TMCO6: variants seen among roughly 807,000 people sequenced by gnomAD.
TMCO6 encodes transmembrane and coiled-coil domain-containing protein 6.
In TMCO6, 47 loss-of-function variants were observed where a neutral mutation model predicts 61.8. The observed-to-expected ratio is 0.76, with a 90% CI of 0.60 to 0.97. The LOEUF (loss-of-function observed/expected upper bound fraction) is 0.97, where lower values mean the gene tolerates loss of function less well. Ranked by LOEUF, TMCO6 falls within the 50% of genes least tolerant of loss-of-function variation. The pLI, the probability that TMCO6 is intolerant of heterozygous loss-of-function variation, is 0.00. For synonymous variants in TMCO6, 261 were observed against 254.2 expected, an observed-to-expected ratio of 1.03 and a Z score of -0.25; for missense variants, 557 against 601.6, an observed-to-expected ratio of 0.93 and a Z score of 0.78.
At chr5:140,603,354 C>T in the TMCO6 span, among the ~76,000 whole-genome samples, 1 of 152,192 alleles carries the variant, frequency 6.6e-6, no homozygotes, top group South Asian at 2.1e-4. Flanking sequence ...ATTGCCCAGG[C>T]TGGAGTGCAG....
the TMCO6 span, among the ~76,000 whole-genome samples, chr5:140,607,371 G>A: frequency 6.6e-6 from 1 of 152,148 alleles, no homozygotes; most frequent in Non-Finnish European, 1.5e-5. Context: ...TGTATCAGAC[G>A]TCATTACTTT....
chr5:140,613,640 C>G, the TMCO6 span, among the ~76,000 whole-genome samples: 1 of 152,154 alleles, frequency 6.6e-6, no homozygotes, highest in Non-Finnish European at 1.5e-5. Flanking sequence ...GCAGGACTCC[C>G]TTTTCTCCTG....
upstream of TMCO6, among the ~76,000 whole-genome samples, chr5:140,635,490 C>T (rs73271519): frequency 0.019 from 2,921 of 152,290 alleles, 96 homozygotes; most frequent in African/African-American, 0.066. Flanking sequence ...AGTCTGACAC[C>T]TCATCATCTT....
chr5:140,629,551 C>G, the TMCO6 span, among the ~76,000 whole-genome samples: 1 of 152,094 alleles, frequency 6.6e-6, no homozygotes, highest in Admixed American at 6.5e-5. Context: ...AGACTTGGGT[C>G]CCATCCAAAT....
intron 2 of TMCO6, 32 bp from the exon 3 acceptor site, chr5:140,641,633 G>T: frequency 6.3e-7 from 1 of 1,594,516 alleles, no homozygotes; most frequent in Non-Finnish European, 8.6e-7. Flanking sequence ...TCTGTGAACC[G>T]TGTGTTCTCC....
chr5:140,598,033 C>T, the TMCO6 span, among the ~76,000 whole-genome samples: 1 of 152,170 alleles, frequency 6.6e-6, no homozygotes, highest in East Asian at 1.9e-4. Flanking sequence ...CTCCCTCAAC[C>T]CCTCTCCCCT....
the TMCO6 span, among the ~76,000 whole-genome samples, chr5:140,599,035 A>G: frequency 6.6e-6 from 1 of 152,188 alleles, no homozygotes; most frequent in East Asian, 1.9e-4. Flanking sequence ...TAATCTATCT[A>G]CCAGCTATGT....
the TMCO6 span, among the ~76,000 whole-genome samples, chr5:140,620,487 T>C: frequency 6.6e-6 from 1 of 152,178 alleles, no homozygotes; most frequent in Non-Finnish European, 1.5e-5. Flanking sequence ...CTAAAGGATA[T>C]ACCATACAAA....
the TMCO6 span, among the ~76,000 whole-genome samples, chr5:140,627,398 A>T: frequency 6.6e-6 from 1 of 152,192 alleles, no homozygotes; most frequent in Non-Finnish European, 1.5e-5. Flanking sequence ...TTGAACAATG[A>T]TCATATCAAG....
the TMCO6 span, among the ~76,000 whole-genome samples, chr5:140,618,784 A>C: frequency 1.3e-5 from 2 of 152,320 alleles, no homozygotes; most frequent in African/African-American, 4.8e-5. Context: ...AAAAACATGA[A>C]TCTAGACACA....
chr5:140,639,882 C>A, intron 2 of TMCO6, 31 bp downstream of exon 2: 1 of 1,563,464 alleles, frequency 6.4e-7, no homozygotes, highest in Non-Finnish European at 8.7e-7. Context: ...GCGCTGGAGT[C>A]CACGCCCGCT....
the TMCO6 span, among the ~76,000 whole-genome samples, chr5:140,616,218 C>T: frequency 6.6e-6 from 1 of 152,038 alleles, no homozygotes; most frequent in Non-Finnish European, 1.5e-5. Context: ...GGCACCACAA[C>T]CAACAAAAGT....
the TMCO6 span, among the ~76,000 whole-genome samples, chr5:140,629,425 C>T: frequency 1.3e-5 from 2 of 152,038 alleles, no homozygotes; most frequent in Non-Finnish European, 2.9e-5. Context: ...AATGTAAATG[C>T]TATGTAAATA....
chr5:140,642,452 C>T (rs761528487), intron 5 of TMCO6, 33 bp downstream of exon 5: 4 of 1,607,482 alleles, frequency 2.5e-6, no homozygotes, highest in Non-Finnish European at 3.4e-6. Context: ...GGCAACCCTT[C>T]CTTTGCTCCT....
the TMCO6 span, among the ~76,000 whole-genome samples, chr5:140,624,604 C>T: frequency 6.6e-6 from 1 of 151,982 alleles, no homozygotes; most frequent in African/African-American, 2.4e-5. Context: ...GAAACGGAGT[C>T]TCACTCTGTG....
chr5:140,613,379 C>T, the TMCO6 span, among the ~76,000 whole-genome samples: 1 of 95,698 alleles, frequency 1.0e-5, no homozygotes, highest in Non-Finnish European at 1.8e-5. Flanking sequence ...CAGAGTGAGA[C>T]TCTGACTAAA....
At chr5:140,614,190 A>C in the TMCO6 span, among the ~76,000 whole-genome samples, 4,403 of 150,702 alleles carry the variant, frequency 0.029, 183 homozygotes, top group African/African-American at 0.097. Flanking sequence ...TGAGCCACTG[A>C]GCCCGGCCAT....
Position 140,641,788 on chromosome 5 carries a change from T to G in TMCO6, c.314+8T>G, listed in dbSNP as rs759826131. 1 of 1,614,128 alleles carries G rather than the reference T, an allele frequency of 6.2e-7. No homozygotes were observed. Among genetic ancestry groups the G allele is most frequent in the Non-Finnish European group, 8.5e-7 (1 of 1,180,002 alleles). ...ACAGCAAACCTTCATCCGGTCAGTG[T>G]GGATGGTGTGGTGGAGGGAGGAGTT... On this transcript the variant is annotated splice_region_variant and intron_variant, in intron 3 of 11. Coordinates refer to ENST00000394671, the MANE Select transcript of TMCO6 (RefSeq NM_018502.5).
the TMCO6 span, among the ~76,000 whole-genome samples, chr5:140,614,290 C>T: frequency 6.6e-6 from 1 of 152,050 alleles, no homozygotes; most frequent in Non-Finnish European, 1.5e-5. Context: ...GGGCATATAA[C>T]CTGAGGTCAG....
Sources: allele counts gnomAD v4.1 joint callset (sites outside exome capture counted in the v4.1 genomes callset), GRCh38; gene constraint gnomAD v4.1.1; transcripts MANE v1.5; gene names NCBI Gene and HGNC (gene_info 2026-07-23, HGNC 2026-07-21).